Variants in ANGPT1 observed in about 807,000 individuals in gnomAD.
ANGPT1 encodes the protein angiopoietin 1.
ANGPT1 carries 17 observed loss-of-function variants against 62.2 expected under a neutral mutation model. The ratio of observed to expected loss-of-function variants is 0.27; its 90% CI spans 0.19 to 0.41. The LOEUF (loss-of-function observed/expected upper bound fraction) is 0.41, where lower values mean the gene tolerates loss of function less well. Among genes scored for constraint, ANGPT1 ranks in the 10% least tolerant of loss-of-function variants. The probability of loss-of-function intolerance (pLI) is 1.00; values close to 1 mark genes in which losing one functional copy is unlikely to be tolerated. For missense variants in ANGPT1, 478 were observed against 594.9 expected (o/e 0.80, Z 2.04); for synonymous variants, 199 against 198.9 (o/e 1.00, Z 0.00).
chr8:107,434,444 A>G (rs542600822), intron 1 of ANGPT1, among the ~76,000 whole-genome samples: 2 of 152,280 alleles, frequency 1.3e-5, no homozygotes, highest in East Asian at 1.9e-4. Flanking sequence ...ACTGTCGGGG[A>G]TAATGCCAGA....
At chr8:107,306,282 A>G (rs936758488) in intron 4 of ANGPT1, among the ~76,000 whole-genome samples, 1 of 152,100 alleles carries the variant, frequency 6.6e-6, no homozygotes, top group South Asian at 2.1e-4. Context: ...ATCACATTGA[A>G]TTAGCCTCTC....
intron 4 of ANGPT1, among the ~76,000 whole-genome samples, chr8:107,308,079 ATAT>A (rs1814763300): frequency 6.6e-6 from 1 of 151,908 alleles, no homozygotes; most frequent in Non-Finnish European, 1.5e-5. Context: ...CAATCATCCT[ATAT>A]TATTATTTCA....
Position 107,300,180 on chromosome 8 carries a change from G to T in ANGPT1, c.936+3060C>A, listed in dbSNP as rs146983979. On this transcript the variant is annotated intron_variant, in intron 5 of 8. Coordinates refer to ENST00000517746, the MANE Select transcript of ANGPT1 (RefSeq NM_001146.5). ...AGAGATCTATATCTATCTATATATAGAGATATATATGCTTAGAAGAAGACT... is the reference window on the plus strand; with the variant it reads ...AGAGATCTATATCTATCTATATATATAGATATATATGCTTAGAAGAAGACT... Among the ~76,000 whole-genome samples, 1,093 of 147,486 alleles carry T rather than the reference G, an allele frequency of 7.4e-3. 12 individuals carry two copies. The highest frequency in any genetic ancestry group is 0.025 in the African/African-American group (1,016 of 40,278).
chr8:107,319,111 G>C (rs958288496), intron 4 of ANGPT1, among the ~76,000 whole-genome samples: 2 of 152,146 alleles, frequency 1.3e-5, no homozygotes, highest in African/African-American at 4.8e-5. Context: ...AGAAACTAAA[G>C]TTTAATGAAT....
intron 2 of ANGPT1, among the ~76,000 whole-genome samples, chr8:107,341,953 G>A (rs2130139679): frequency 6.6e-6 from 1 of 152,190 alleles, no homozygotes; most frequent in African/African-American, 2.4e-5. Context: ...GAGGTGCTCT[G>A]CTTGTTGCAG....
intron 8 of ANGPT1, among the ~76,000 whole-genome samples, chr8:107,253,653 T>C (rs1002934822): frequency 3.3e-5 from 5 of 152,198 alleles, no homozygotes; most frequent in Admixed American, 6.6e-5. Flanking sequence ...CCAAGTTGCA[T>C]TGGGGTAAAA....
chr8:107,254,491 T>C (rs754471189), intron 8 of ANGPT1, among the ~76,000 whole-genome samples: 11 of 152,034 alleles, frequency 7.2e-5, no homozygotes, highest in Non-Finnish European at 1.5e-4. Flanking sequence ...CAACCTAATA[T>C]AAATTATGAC....
chr8:107,305,999 C>A (rs142200690), intron 4 of ANGPT1, among the ~76,000 whole-genome samples: 1,700 of 151,526 alleles, frequency 0.011, 21 homozygotes, highest in Middle Eastern at 0.021. Context: ...TTTTTTTGTC[C>A]TTAATCTATA....
chr8:107,429,768 T>G (rs1411211223), intron 1 of ANGPT1, among the ~76,000 whole-genome samples: 1 of 152,120 alleles, frequency 6.6e-6, no homozygotes, highest in African/African-American at 2.4e-5. Flanking sequence ...ATCGTCACTG[T>G]TTTTAATAGA....
rs1162715628 is a variant in ANGPT1 at position 107,322,033 on chromosome 8, G to A, written c.671C>T (p.Thr224Ile). The A allele has an allele frequency of 6.2e-7, 1 of 1,613,808 alleles. No homozygotes were observed. The highest frequency in any genetic ancestry group is 8.5e-7 in the Non-Finnish European group (1 of 1,179,900). The change falls in exon 4 of 9, where the codon ACT becomes ATT. Residue 224 changes from threonine to isoleucine, a missense_variant. By Grantham distance (89) the Thr-to-Ile change is moderately conservative (BLOSUM62 -1). Transcript: ENST00000517746. ...CTCCTGGATTATATATGTTTGACGA[G>A]TAACCAAGCCTTGAAGGTTCTCTTT... ...EEKENLQGLV[T>I]RQTYIIQELE... is the part of the protein sequence containing the mutation.
At chr8:107,373,576 T>C (rs957671633) in intron 1 of ANGPT1, among the ~76,000 whole-genome samples, 9 of 152,158 alleles carry the variant, frequency 5.9e-5, no homozygotes, top group African/African-American at 2.2e-4. Context: ...AGACATTTCC[T>C]CTCCAAAAAG....
At chr8:107,417,284 G>A (rs1208534736) in intron 1 of ANGPT1, among the ~76,000 whole-genome samples, 1 of 152,122 alleles carries the variant, frequency 6.6e-6, no homozygotes. Flanking sequence ...AGAGGGAGGA[G>A]TCATTGTACC....
chr8:107,336,145 C>A lies in ANGPT1; in HGVS notation c.575+5G>T. Reference sequence around the variant, plus strand: ...GAAACATTTTTGGAATAAAGCAATCCTCACCTGTTTTTTTCATGGATCTTC... The same window carrying A: ...GAAACATTTTTGGAATAAAGCAATCATCACCTGTTTTTTTCATGGATCTTC... On this transcript the variant is annotated splice_donor_5th_base_variant and intron_variant, in intron 3 of 8. Transcript: ENST00000517746. 6.3e-7 allele frequency: 1 copy of A among 1,597,968 alleles called. No homozygotes were observed. The highest frequency in any genetic ancestry group is 1.1e-5 in the South Asian group (1 of 87,616).
At chr8:107,288,387 C>T (rs181326938) in intron 6 of ANGPT1, among the ~76,000 whole-genome samples, 22 of 152,182 alleles carry the variant, frequency 1.4e-4, no homozygotes, top group Admixed American at 6.5e-4. Context: ...CCATATCTCA[C>T]GAGTTTTAGG....
intron 1 of ANGPT1, among the ~76,000 whole-genome samples, chr8:107,390,037 T>A (rs1816805538): frequency 3.3e-5 from 5 of 152,128 alleles, no homozygotes; most frequent in Admixed American, 2.6e-4. Context: ...AATTATGAAT[T>A]TCAAAGCCTG....
intron 3 of ANGPT1, among the ~76,000 whole-genome samples, chr8:107,329,415 T>C (rs1172298601): frequency 6.6e-6 from 1 of 152,040 alleles, no homozygotes; most frequent in Non-Finnish European, 1.5e-5. Context: ...GAAACAGTCA[T>C]AGGTCTAGAA....
intron 5 of ANGPT1, among the ~76,000 whole-genome samples, chr8:107,301,443 G>T (rs1161409397): frequency 6.6e-6 from 1 of 151,782 alleles, no homozygotes; most frequent in Non-Finnish European, 1.5e-5. Flanking sequence ...TGTATGGTGT[G>T]TGTTTATGAT....
intron 4 of ANGPT1, among the ~76,000 whole-genome samples, chr8:107,303,650 A>G (rs1814648528): frequency 1.3e-5 from 2 of 151,848 alleles, no homozygotes; most frequent in South Asian, 2.1e-4. Context: ...CCAAAACATC[A>G]ACTTAAGGAA....
intron 8 of ANGPT1, 133 bp downstream of exon 8, chr8:107,264,088 C>T: frequency 1.8e-6 from 2 of 1,122,568 alleles, no homozygotes; most frequent in South Asian, 2.4e-5. Context: ...AATTCGTGGG[C>T]AGAACAAAAT....
Sources: allele counts gnomAD v4.1 joint callset (sites outside exome capture counted in the v4.1 genomes callset), GRCh38; gene constraint gnomAD v4.1.1; transcripts MANE v1.5; gene names NCBI Gene and HGNC (gene_info 2026-07-23, HGNC 2026-07-21).